CABP5: variants seen among roughly 807,000 people sequenced by gnomAD.
The protein encoded by CABP5 is calcium binding protein 5, also known as calcium-binding protein 5.
In CABP5, 17 loss-of-function variants were observed where a neutral mutation model predicts 21.9. The ratio of observed to expected loss-of-function variants is 0.78; its 90% CI spans 0.53 to 1.17. CABP5 has a LOEUF of 1.17. CABP5 is among the 50% of genes most tolerant of loss of function. The probability of loss-of-function intolerance (pLI) is 0.00; values close to 1 mark genes in which losing one functional copy is unlikely to be tolerated. For missense variants in CABP5, 229 were observed against 228.9 expected (o/e 1.00, Z 0.00); for synonymous variants, 85 against 79.4 (o/e 1.07, Z -0.37).
chr19:48,039,703 CTTTTTTTTTTTTTTTTTT>C (rs772482700), intron 3 of CABP5, among the ~76,000 whole-genome samples: 2 of 59,228 alleles, frequency 3.4e-5, no homozygotes, highest in Admixed American at 2.7e-4. Flanking sequence ...AACCCAATAG[CTTTTTTTTTTTTTTTTTT>C]TTTTTTTTTT....
At chr19:48,039,999 G>A (rs1967460771) in intron 3 of CABP5, among the ~76,000 whole-genome samples, 1 of 152,012 alleles carries the variant, frequency 6.6e-6, no homozygotes, top group African/African-American at 2.4e-5. Flanking sequence ...ACAGGTTACA[G>A]GTGTGAGACA....
At chr19:48,033,500 T>G (rs66626035) in intron 5 of CABP5, among the ~76,000 whole-genome samples, 46,249 of 151,900 alleles carry the variant, frequency 0.3, 7,907 homozygotes, top group Non-Finnish European at 0.38. Flanking sequence ...ATGCCACGAA[T>G]CCGTATTACT....
rs1555737224 is a variant in CABP5 at position 48,029,828 on chromosome 19, G to GAGAC, written c.*728_*729insGTCT. ...AGAGAGAGAGAGAGAGAGAGAGAGA[G>GAGAC]AGAGAGAGAAACCAGACAGTGCTTC... On this transcript the variant is annotated 3_prime_UTR_variant, in exon 6 of 6. Transcript: ENST00000293255. 1.4e-4 allele frequency: 21 copies of GAGAC among 150,530 alleles called. No individual in the cohort carries two copies. The highest frequency in any genetic ancestry group is 5.2e-4 in the African/African-American group (21 of 40,404). The allele number at this position is 150,530 out of a possible 1,614,324, so 9.3% of individuals were successfully genotyped here.
At chr19:48,035,351 A>C (rs578250156) in intron 4 of CABP5, among the ~76,000 whole-genome samples, 1 of 152,342 alleles carries the variant, frequency 6.6e-6, no homozygotes, top group East Asian at 1.9e-4. Context: ...TAATCCCAGC[A>C]CTTTGGGAGG....
At chr19:48,039,954 A>G (rs1403350711) in intron 3 of CABP5, among the ~76,000 whole-genome samples, 1 of 152,056 alleles carries the variant, frequency 6.6e-6, no homozygotes, top group Non-Finnish European at 1.5e-5. Context: ...ACCTCAGGTG[A>G]TCTGCCCACC....
rs988537621 is a variant in CABP5 at position 48,039,707 on chromosome 19, T to G, written c.239-390A>C. Among the ~76,000 whole-genome samples, 281 of 116,628 alleles carry G rather than the reference T, an allele frequency of 2.4e-3. 1 individual carries two copies. Among genetic ancestry groups the G allele is most frequent in the African/African-American group, 9.5e-3 (275 of 29,032 alleles). The allele number at this position is 116,628 out of a possible 152,430, so 76.5% of individuals were successfully genotyped here. A position where few individuals can be genotyped will look rare whatever the true frequency, so the allele number is the denominator to read the frequency against. Reference sequence around the variant, plus strand: ...GCCCAGAAGCAAACCCAATAGCTTTTTTTTTTTTTTTTTTTTTTTTTTTTG... The same window carrying G: ...GCCCAGAAGCAAACCCAATAGCTTTGTTTTTTTTTTTTTTTTTTTTTTTTG... On this transcript the variant is annotated intron_variant, in intron 3 of 5. Coordinates refer to ENST00000293255, the MANE Select transcript of CABP5 (RefSeq NM_019855.5).
At chr19:48,031,404 G>T (rs1967338197) in intron 5 of CABP5, among the ~76,000 whole-genome samples, 1 of 152,108 alleles carries the variant, frequency 6.6e-6, no homozygotes, top group Non-Finnish European at 1.5e-5. Flanking sequence ...GCTAGGCGTG[G>T]TGGCGGGCGC....
chr19:48,041,556 G>C lies in CABP5; in HGVS notation c.94+17C>G. On this transcript the variant is annotated intron_variant, in intron 2 of 5. Coordinates refer to ENST00000293255, the MANE Select transcript of CABP5 (RefSeq NM_019855.5). ...GGTGGATGGCAACGTGGAAGCAACT[G>C]GGGAAGACGGTGTTACCTTCAATCT... The C allele has an allele frequency of 1.2e-6, 2 of 1,612,010 alleles. No individual in the cohort carries two copies. The highest frequency in any genetic ancestry group is 1.7e-6 in the Non-Finnish European group (2 of 1,179,240).
chr19:48,039,870 C>T lies in CABP5; in HGVS notation c.239-553G>A, dbSNP rs528884952. Among the ~76,000 whole-genome samples the T allele has an allele frequency of 1.3e-3, 202 of 151,732 alleles. 1 individual carries two copies. The highest frequency in any genetic ancestry group is 2.2e-3 in the Non-Finnish European group (151 of 67,916). Reference sequence around the variant, plus strand: ...CTGGGATTACAGGTGCACGCCATCACGCCTGGCTAATTTTTTGTATTTTTA... The same window carrying T: ...CTGGGATTACAGGTGCACGCCATCATGCCTGGCTAATTTTTTGTATTTTTA... On this transcript the variant is annotated intron_variant, in intron 3 of 5. Coordinates refer to ENST00000293255, the MANE Select transcript of CABP5 (RefSeq NM_019855.5).
intron 3 of CABP5, among the ~76,000 whole-genome samples, chr19:48,040,286 C>G (rs907734991): frequency 6.6e-6 from 1 of 152,146 alleles, no homozygotes; most frequent in Non-Finnish European, 1.5e-5. Context: ...TTTCCACAGT[C>G]CCATGAGGTA....
intron 3 of CABP5, 60 bp downstream of exon 3, chr19:48,040,545 C>G: frequency 6.3e-7 from 1 of 1,585,076 alleles, no homozygotes; most frequent in African/African-American, 1.3e-5. Context: ...CTACATCCTT[C>G]CCAATTCTGC....
intron 2 of CABP5, chr19:48,041,348 C>A: frequency 1.8e-6 from 1 of 550,018 alleles, no homozygotes; most frequent in Non-Finnish European, 3.2e-6. Flanking sequence ...TTTGTTTTCA[C>A]TCCTGAGTCT....
chr19:48,029,798 C>CAGAGAGAGAGAG lies in CABP5; in HGVS notation c.*747_*758dup, dbSNP rs72005770. The stretch of plus-strand genomic sequence containing the variant: ...GGGAGGGGAGACAGAGACAGACAGA[C>CAGAGAGAGAGAG]AGAGAGAGAGAGAGAGAGAGAGAGA... On this transcript the variant is annotated 3_prime_UTR_variant, in exon 6 of 6. Transcript: ENST00000293255. 0.057 allele frequency among the ~76,000 whole-genome samples: 6,812 copies of CAGAGAGAGAGAG among 119,966 alleles called. 330 individuals are homozygous for CAGAGAGAGAGAG. The highest frequency in any genetic ancestry group is 0.071 in the Non-Finnish European group (4,136 of 57,890). 78.7% of individuals were successfully genotyped at this position (119,966 alleles called of 152,430 possible). A position where few individuals can be genotyped will look rare whatever the true frequency, so the allele number is the denominator to read the frequency against.
At chr19:48,031,169 A>G (rs112348633) in intron 5 of CABP5, among the ~76,000 whole-genome samples, 1 of 152,152 alleles carries the variant, frequency 6.6e-6, no homozygotes, top group Admixed American at 6.6e-5. Flanking sequence ...TGGGAATCCT[A>G]GTATTGCTAT....
In CABP5 at chr19:48,030,370, G is replaced by T; in HGVS notation, c.*187C>A. 1.9e-6 allele frequency: 1 copy of T among 536,052 alleles called. No individual in the cohort carries two copies. The highest frequency in any genetic ancestry group is 3.3e-6 in the Non-Finnish European group (1 of 301,278). 33.2% of individuals were successfully genotyped at this position (536,052 alleles called of 1,614,324 possible). A position where few individuals can be genotyped will look rare whatever the true frequency, so the allele number is the denominator to read the frequency against. On this transcript the variant is annotated 3_prime_UTR_variant, in exon 6 of 6. Transcript: ENST00000293255. Reference sequence around the variant, plus strand: ...TCCTTCTTAATCTAGTTCTGCAGACGCCCCCATCCTGGCAAAGATACCGCT... The same window carrying T: ...TCCTTCTTAATCTAGTTCTGCAGACTCCCCCATCCTGGCAAAGATACCGCT...
intron 2 of CABP5, 29 bp from the exon 3 acceptor site, chr19:48,040,777 A>G: frequency 1.2e-6 from 2 of 1,612,444 alleles, no homozygotes; most frequent in African/African-American, 1.3e-5. Flanking sequence ...CTTTGGGGGA[A>G]CTTGAAGCAG....
Position 48,043,846 on chromosome 19 carries a change from A to G in CABP5, c.63+14T>C, listed in dbSNP as rs1456469164. 2.1e-6 allele frequency: 3 copies of G among 1,463,026 alleles called. No individual in the cohort carries two copies. In the African/African-American group the frequency reaches 4.7e-5, roughly 23 times the overall value. 90.6% of individuals were successfully genotyped at this position (1,463,026 alleles called of 1,614,324 possible). Reference sequence around the variant, plus strand: ...GCCCCGCCCACCGCCCTTCCCCCTCACTCCCCACCTCACCCGCTGTTTCTC... The same window carrying G: ...GCCCCGCCCACCGCCCTTCCCCCTCGCTCCCCACCTCACCCGCTGTTTCTC... On this transcript the variant is annotated intron_variant, in intron 1 of 5. Coordinates refer to ENST00000293255, the MANE Select transcript of CABP5 (RefSeq NM_019855.5).
At chr19:48,036,800 T>C (rs1252689181) in intron 4 of CABP5, among the ~76,000 whole-genome samples, 1 of 152,124 alleles carries the variant, frequency 6.6e-6, no homozygotes, top group African/African-American at 2.4e-5. Context: ...GCTATCTCTC[T>C]AAAGAAGACA....
intron 4 of CABP5, among the ~76,000 whole-genome samples, chr19:48,037,259 C>CTTTTTTT (rs57230665): frequency 0.011 from 474 of 44,954 alleles, 117 homozygotes; most frequent in Middle Eastern, 0.028. Flanking sequence ...TACTATTCAG[C>CTTTTTTT]TTTTTTTTTT....
Sources: allele counts gnomAD v4.1 joint callset (sites outside exome capture counted in the v4.1 genomes callset), GRCh38; gene constraint gnomAD v4.1.1; transcripts MANE v1.5; gene names NCBI Gene and HGNC (gene_info 2026-07-23, HGNC 2026-07-21).